Variants in KDM1B observed in about 807,000 individuals in gnomAD.
KDM1B encodes lysine-specific histone demethylase 2.
KDM1B carries 63 observed loss-of-function variants against 107.4 expected under a neutral mutation model. That is an observed-to-expected ratio of 0.59 (90% CI 0.48 to 0.72). KDM1B has a LOEUF of 0.72. Among genes scored for constraint, KDM1B ranks in the 30% least tolerant of loss-of-function variants. The pLI, the probability that KDM1B is intolerant of heterozygous loss-of-function variation, is 0.00. For synonymous variants in KDM1B, 363 were observed against 363.9 expected, an observed-to-expected ratio of 1.00 and a Z score of 0.03; for missense variants, 749 against 1,020.8, an observed-to-expected ratio of 0.73 and a Z score of 3.63.
At position 18,159,882 on chromosome 6, in the gene KDM1B, G is replaced by T; in HGVS notation, c.-13-1G>T. ...TTAATGGTCTGATTTTTCTTTTGCA[G>T]ATTATTTAATGTAATGGCAACTCCA... On this transcript the variant is annotated splice_acceptor_variant, in intron 2 of 21. Coordinates refer to ENST00000650836, the MANE Select transcript of KDM1B (RefSeq NM_001364614.2). LOFTEE classifies it low-confidence loss of function (5UTR_SPLICE). The surrounding 1 kb of genome is among the most constrained non-coding windows in gnomAD (Gnocchi z 4.5). 1 of 1,539,644 alleles carries T rather than the reference G, an allele frequency of 6.5e-7. No individual in the cohort carries two copies. Among genetic ancestry groups the T allele is most frequent in the Non-Finnish European group, 8.9e-7 (1 of 1,117,878 alleles).
At position 18,213,528 on chromosome 6, in the gene KDM1B, C is replaced by A; in HGVS notation, c.1984-128C>A. The A allele has an allele frequency of 1.2e-6, 1 of 806,028 alleles. No individual in the cohort carries two copies. 49.9% of individuals were successfully genotyped at this position (806,028 alleles called of 1,614,324 possible). A position where few individuals can be genotyped will look rare whatever the true frequency, so the allele number is the denominator to read the frequency against. ...AAGGAGGTGAGGAGAATGGAAAGAGCGGTATTTGGGGTTGTTCTTTCGGGC... is the reference window on the plus strand; with the variant it reads ...AAGGAGGTGAGGAGAATGGAAAGAGAGGTATTTGGGGTTGTTCTTTCGGGC... On this transcript the variant is annotated intron_variant, in intron 18 of 21. Transcript: ENST00000650836. The surrounding 1 kb of genome is among the most constrained non-coding windows in gnomAD (Gnocchi z 5.9).
Position 18,162,785 on chromosome 6 carries a change from G to T in KDM1B, c.216-50G>T, listed in dbSNP as rs1561904741. ...GCAAGATGTTTTTTAAAAAATGGGA[G>T]GAGAAATGTTTATTCATTACCAAAG... On this transcript the variant is annotated intron_variant, in intron 4 of 21. Coordinates refer to ENST00000650836, the MANE Select transcript of KDM1B (RefSeq NM_001364614.2). This position sits in a 1 kb window ranked among gnomAD's most constrained non-coding sequence, Gnocchi z 4.1. 9.6e-7 allele frequency: 1 copy of T among 1,044,958 alleles called. No individual in the cohort carries two copies. Among genetic ancestry groups the T allele is most frequent in the East Asian group, 2.4e-5 (1 of 42,176 alleles). 64.7% of individuals were successfully genotyped at this position (1,044,958 alleles called of 1,614,324 possible). A position where few individuals can be genotyped will look rare whatever the true frequency, so the allele number is the denominator to read the frequency against.
chr6:18,189,479 A>C (rs1361452229), intron 9 of KDM1B, among the ~76,000 whole-genome samples: 1 of 152,262 alleles, frequency 6.6e-6, no homozygotes, highest in Non-Finnish European at 1.5e-5. Flanking sequence ...GTAAATCCAA[A>C]GATAGGTACA....
At chr6:18,216,918 C>T (rs1274315756) in intron 20 of KDM1B, among the ~76,000 whole-genome samples, 5 of 152,178 alleles carry the variant, frequency 3.3e-5, no homozygotes, top group South Asian at 4.1e-4. Context: ...GCATCCCCTG[C>T]GGGTCATGGA....
rs891288768 is a variant in KDM1B, at chr6:18,207,663, A to G, written c.1791+134A>G. The G allele has an allele frequency of 1.4e-5, 14 of 1,012,100 alleles. No individual in the cohort carries two copies. The African/African-American group carries it at 2.1e-4, about 15-fold the overall frequency. 62.7% of individuals were successfully genotyped at this position (1,012,100 alleles called of 1,614,324 possible). On this transcript the variant is annotated intron_variant, in intron 16 of 21. Coordinates refer to ENST00000650836, the MANE Select transcript of KDM1B (RefSeq NM_001364614.2). ...GGGTCTAGAAGTACTTTTGTGGCTC[A>G]TTCGTAGCCTGTGTAGCATTATCCA...
Position 18,217,842 on chromosome 6 carries a change from T to G in KDM1B, c.2342T>G (p.Ile781Ser). The G allele has an allele frequency of 6.2e-7, 1 of 1,614,018 alleles. No homozygotes were observed. The change falls in exon 21 of 22, where the codon ATC becomes AGC. Residue 781 changes from isoleucine to serine, a missense_variant. Ile to Ser is a moderately radical substitution (Grantham distance 142). Transcript: ENST00000650836. Reference protein sequence around the residue: ...KTGGSGEAYDIIAEDIQGTVF... With the variant: ...KTGGSGEAYDSIAEDIQGTVF... ...GGTGGAAGTGGGGAGGCCTACGATA[T>G]CATTGCTGAAGACATTCAAGGAACC...
At chr6:18,157,295 G>C (rs758200676) in intron 2 of KDM1B, among the ~76,000 whole-genome samples, 1 of 152,138 alleles carries the variant, frequency 6.6e-6, no homozygotes, top group Non-Finnish European at 1.5e-5. Flanking sequence ...ATTGTATAAA[G>C]TTGAAAATAT....
rs1025906308 is a variant in KDM1B, at chr6:18,213,602, C to T, written c.1984-54C>T. 6.2e-7 allele frequency: 1 copy of T among 1,605,186 alleles called. No individual in the cohort carries two copies. The highest frequency in any genetic ancestry group is 8.5e-7 in the Non-Finnish European group (1 of 1,172,562). On this transcript the variant is annotated intron_variant, in intron 18 of 21. Transcript: ENST00000650836. The surrounding 1 kb of genome is among the most constrained non-coding windows in gnomAD (Gnocchi z 5.9). ...CTACAGGTTGCTGCTTAGATATTGCCTGTGGTTTTGTGACGACAGACACCT... is the reference window on the plus strand; with the variant it reads ...CTACAGGTTGCTGCTTAGATATTGCTTGTGGTTTTGTGACGACAGACACCT...
chr6:18,185,058 A>G (rs1260262330), intron 7 of KDM1B, among the ~76,000 whole-genome samples: 2 of 152,002 alleles, frequency 1.3e-5, no homozygotes, highest in Non-Finnish European at 2.9e-5. Flanking sequence ...AATACAAATA[A>G]TGCTCCTTTG....
intron 7 of KDM1B, among the ~76,000 whole-genome samples, chr6:18,185,041 T>C (rs184427274): frequency 6.6e-6 from 1 of 152,234 alleles, no homozygotes; most frequent in East Asian, 1.9e-4. Context: ...GTTTCTAGCT[T>C]TTTTTGAATA....
chr6:18,199,008 G>GAAAAAA (rs70974711), intron 12 of KDM1B, among the ~76,000 whole-genome samples: 30 of 74,680 alleles, frequency 4.0e-4, no homozygotes, highest in South Asian at 9.5e-4. Context: ...GTCTCTACCA[G>GAAAAAA]AAAAAAAAAA....
At chr6:18,161,204 C>T (rs1027342568) in intron 3 of KDM1B, 123 bp from the exon 4 acceptor site, 6 of 785,420 alleles carry the variant, frequency 7.6e-6, no homozygotes, top group Non-Finnish European at 1.3e-5. Context: ...CATCCCTAAC[C>T]TACTGCCATG....
chr6:18,186,519 A>C lies in KDM1B; in HGVS notation c.573+709A>C, dbSNP rs770950175. ...CTACGATAGCTTTTCAGGCAAAGAC[A>C]GCATTGACTTTTAGCAAATCTACTT... On this transcript the variant is annotated intron_variant, in intron 8 of 21. Transcript: ENST00000650836. This position sits in a 1 kb window ranked among gnomAD's most constrained non-coding sequence, Gnocchi z 5.6. 1.3e-5 allele frequency among the ~76,000 whole-genome samples: 2 copies of C among 152,238 alleles called. No individual in the cohort carries two copies. The highest frequency in any genetic ancestry group is 2.4e-5 in the African/African-American group (1 of 41,468).
intron 7 of KDM1B, among the ~76,000 whole-genome samples, chr6:18,183,062 G>A (rs1485838119): frequency 4.6e-5 from 7 of 152,096 alleles, no homozygotes; most frequent in African/African-American, 1.7e-4. Flanking sequence ...TGTGAAATAA[G>A]TTATAGACAC....
chr6:18,177,351 T>C (rs1340696775), intron 7 of KDM1B, among the ~76,000 whole-genome samples: 3 of 152,046 alleles, frequency 2.0e-5, no homozygotes, highest in Non-Finnish European at 4.4e-5. Flanking sequence ...ATTTTCTCCT[T>C]TTCTTGGTTA....
At chr6:18,202,270 G>T (rs1788086512) in intron 14 of KDM1B, among the ~76,000 whole-genome samples, 2 of 151,610 alleles carry the variant, frequency 1.3e-5, no homozygotes, top group African/African-American at 4.9e-5. Context: ...ATGGTGGTGT[G>T]TGTCTGTAGT....
intron 9 of KDM1B, among the ~76,000 whole-genome samples, chr6:18,189,140 A>T (rs1787103022): frequency 6.6e-6 from 1 of 152,158 alleles, no homozygotes; most frequent in African/African-American, 2.4e-5. Context: ...TTGGTGTAAG[A>T]AGCAAGAATT....
chr6:18,211,520 G>A lies in KDM1B; in HGVS notation c.1867-968G>A, dbSNP rs1300833657. 6.6e-6 allele frequency: 1 copy of A among 152,276 alleles called. No individual in the cohort carries two copies. The highest frequency in any genetic ancestry group is 6.5e-5 in the Admixed American group (1 of 15,286). The allele number at this position is 152,276 out of a possible 1,614,324, so 9.4% of individuals were successfully genotyped here. A position where few individuals can be genotyped will look rare whatever the true frequency, so the allele number is the denominator to read the frequency against. On this transcript the variant is annotated intron_variant, in intron 17 of 21. Coordinates refer to ENST00000650836, the MANE Select transcript of KDM1B (RefSeq NM_001364614.2). This position sits in a 1 kb window ranked among gnomAD's most constrained non-coding sequence, Gnocchi z 5.2. ...GCTGGAGGTGTTTGGTTCTTCTGCAGCAGGGTTCGTGAAAGTTGCAGGGTT... is the reference window on the plus strand; with the variant it reads ...GCTGGAGGTGTTTGGTTCTTCTGCAACAGGGTTCGTGAAAGTTGCAGGGTT...
chr6:18,191,225 T>C lies in KDM1B; in HGVS notation c.813T>C (p.Pro271=), dbSNP rs1787264632. 3.9e-6 allele frequency: 6 copies of C among 1,550,612 alleles called. No homozygotes were observed. The highest frequency in any genetic ancestry group is 5.2e-6 in the Non-Finnish European group (6 of 1,147,000). ...HVPGMNRYFQ[P]FYQPNECGKA... is the part of the protein sequence containing the mutation. The stretch of plus-strand genomic sequence containing the variant: ...CAGGCATGAACCGATACTTCCAGCC[T>C]TTCTACCAGCCCAATGAGTGTGGCA... The change falls in exon 10 of 22, where the codon CCT becomes CCC. Residue 271 remains proline (P), a synonymous_variant. Transcript: ENST00000650836. The surrounding 1 kb of genome is among the most constrained non-coding windows in gnomAD (Gnocchi z 5.1).
Sources: allele counts gnomAD v4.1 joint callset (sites outside exome capture counted in the v4.1 genomes callset), GRCh38; gene constraint gnomAD v4.1.1; non-coding constraint Gnocchi (gnomAD v3.1); transcripts MANE v1.5; gene names NCBI Gene and HGNC (gene_info 2026-07-23, HGNC 2026-07-21).